Variants in RADX observed in about 807,000 individuals in gnomAD.
RADX encodes RPA-related protein RADX.
Under a neutral mutation model 61.6 loss-of-function variants are expected in RADX, and 36 were observed. The ratio of observed to expected loss-of-function variants is 0.58; its 90% CI spans 0.45 to 0.77. The LOEUF is 0.77. RADX is among the 30% of genes least tolerant of loss of function. The pLI is 0.00. For synonymous variants in RADX, 272 were observed against 237.9 expected (o/e 1.14, Z -1.32); for missense variants, 497 against 651.1 (o/e 0.76, Z 2.58).
Position 106,649,272 on chromosome X carries a change from T to C in RADX, c.1978+886T>C, listed in dbSNP as rs1430771473. ...GCGGACTTATGGAGAAAAAGATTAT[T>C]TTTCCCAGCTAAGCATAATTTGAAT... is the stretch of plus-strand genomic sequence containing the variant. On this transcript the variant is annotated intron_variant, in intron 11 of 13. Transcript: ENST00000372548. Among the ~76,000 whole-genome samples, 3 of 108,430 alleles carry C rather than the reference T, an allele frequency of 2.8e-5. No individual in the cohort carries two copies. In the East Asian group the frequency reaches 8.4e-4, roughly 30 times the overall value. 94.2% of individuals were successfully genotyped at this position (108,430 alleles called of 115,157 possible).
chrX:106,676,782 C>T (rs1422502700), intron 13 of RADX, among the ~76,000 whole-genome samples: 1 of 111,730 alleles, frequency 9.0e-6, no homozygotes, highest in Non-Finnish European at 1.9e-5. Flanking sequence ...TACAATTCTG[C>T]CTTAGCCTTC....
At chrX:106,666,952 A>G (rs1928241826) in intron 12 of RADX, among the ~76,000 whole-genome samples, 1 of 112,173 alleles carries the variant, frequency 8.9e-6, no homozygotes, top group African/African-American at 3.2e-5. Flanking sequence ...TAAAATGCAC[A>G]CATGTGTATT....
At chrX:106,650,962 G>A (rs1471067091) in intron 11 of RADX, among the ~76,000 whole-genome samples, 1 of 111,306 alleles carries the variant, frequency 9.0e-6, no homozygotes, top group African/African-American at 3.3e-5. Flanking sequence ...TAGTGGATAG[G>A]ATGAGAAAGT....
intron 2 of RADX, among the ~76,000 whole-genome samples, chrX:106,624,460 C>T (rs188459535): frequency 1.3e-4 from 15 of 111,609 alleles, no homozygotes; most frequent in African/African-American, 4.6e-4. Context: ...CATTTCTTAC[C>T]TTTATGATGT....
rs1033181298 is a variant in RADX, at chrX:106,662,097, G to A, written c.2061G>A (p.Glu687=). 1 of 1,208,044 alleles carries A rather than the reference G, an allele frequency of 8.3e-7. No homozygotes were observed. The highest frequency in any genetic ancestry group is 3.0e-5 in the East Asian group (1 of 33,727). Residue 687 remains glutamate, a synonymous_variant, in exon 12 of 14, where the codon GAG becomes GAA. Transcript: ENST00000372548. ...SDRWESQLWR[E]KKFGLIDHLH... Reference sequence around the variant, plus strand: ...GGTGGGAGAGTCAGCTGTGGAGAGAGAAAAAGTTTGGCTTAATAGATCACC... The same window carrying A: ...GGTGGGAGAGTCAGCTGTGGAGAGAAAAAAAGTTTGGCTTAATAGATCACC...
At position 106,678,246 on chromosome X, in the gene RADX, G is replaced by T. The variant is rs759931639; in HGVS notation, c.2556G>T (p.Glu852Asp). The T allele has an allele frequency of 8.7e-7, 1 of 1,153,336 alleles. No homozygotes were observed. Among genetic ancestry groups the T allele is most frequent in the Non-Finnish European group, 1.2e-6 (1 of 844,959 alleles). The change falls in exon 14 of 14, where the codon GAG becomes GAT. Residue 852 changes from glutamate (E) to aspartate (D), a missense_variant. Physicochemically the swap from Glu to Asp is conservative, Grantham distance 45. Around this residue, in one of 3 missense-constraint regions of RADX, gnomAD observed 267 missense variants for 306.9 expected, o/e 0.87. Transcript: ENST00000372548. ...EVYLHKIYSP[E>D]NTS ...ATTTGCACAAGATTTATAGTCCAGAGAATACTTCTTAAAAGTTAGCAAATG... is the reference window on the plus strand; with the variant it reads ...ATTTGCACAAGATTTATAGTCCAGATAATACTTCTTAAAAGTTAGCAAATG...
chrX:106,640,289 GACT>G (rs1190842353), intron 9 of RADX, among the ~76,000 whole-genome samples: 6 of 111,156 alleles, frequency 5.4e-5, no homozygotes, highest in Non-Finnish European at 1.1e-4. Flanking sequence ...CTACGTCCAG[GACT>G]ACTACTATTT....
intron 11 of RADX, among the ~76,000 whole-genome samples, chrX:106,661,419 GTCTC>G (rs1324959848): frequency 2.0e-5 from 2 of 101,632 alleles, no homozygotes; most frequent in Admixed American, 2.2e-4. Flanking sequence ...TTAGTGACAG[GTCTC>G]TCTATGTTAA....
chrX:106,676,224 A>G (rs1040735709), intron 13 of RADX, among the ~76,000 whole-genome samples: 22 of 112,478 alleles, frequency 2.0e-4, no homozygotes, highest in Non-Finnish European at 3.2e-4. Flanking sequence ...ACCAGTTGTA[A>G]TCATTATGAT....
At chrX:106,635,095 G>C (rs1292233467) in intron 6 of RADX, among the ~76,000 whole-genome samples, 1 of 111,628 alleles carries the variant, frequency 9.0e-6, no homozygotes, top group Non-Finnish European at 1.9e-5. Flanking sequence ...GGGGAGCATG[G>C]CCAAAAGTCT....
At chrX:106,620,840 T>G (rs1410041605) in intron 1 of RADX, among the ~76,000 whole-genome samples, 2 of 112,259 alleles carry the variant, frequency 1.8e-5, no homozygotes, top group Admixed American at 9.4e-5. Flanking sequence ...TACTATGAAT[T>G]TACACAAATT....
In RADX at chrX:106,637,794, G is replaced by A; in HGVS notation, c.1443G>A (p.Lys481=). 8.3e-7 allele frequency: 1 copy of A among 1,208,314 alleles called. No individual in the cohort carries two copies. Among genetic ancestry groups the A allele is most frequent in the Non-Finnish European group, 1.1e-6 (1 of 893,677 alleles). ...HRGQPYTYDA[K]VKNFIQWIRT... is the part of the protein sequence containing the mutation. ...GCCAGCCGTATACGTATGATGCCAAGGTAAAAAACTTTATTCAATGGATTA... is the reference window on the plus strand; with the variant it reads ...GCCAGCCGTATACGTATGATGCCAAAGTAAAAAACTTTATTCAATGGATTA... Residue 481 remains lysine, a synonymous_variant, in exon 8 of 14, where the codon AAG becomes AAA. Transcript: ENST00000372548.
At chrX:106,664,647 A>G (rs1274199534) in intron 12 of RADX, among the ~76,000 whole-genome samples, 1 of 110,082 alleles carries the variant, frequency 9.1e-6, no homozygotes. Context: ...AACTTAATGG[A>G]GGGATAAAAC....
At chrX:106,626,239 C>G (rs1471140981) in intron 3 of RADX, among the ~76,000 whole-genome samples, 1 of 111,687 alleles carries the variant, frequency 9.0e-6, no homozygotes, top group Non-Finnish European at 1.9e-5. Context: ...TCTGTGTATT[C>G]TAAATTCCCC....
At chrX:106,642,662 A>T (rs1349082514) in intron 10 of RADX, among the ~76,000 whole-genome samples, 1 of 111,895 alleles carries the variant, frequency 8.9e-6, no homozygotes, top group South Asian at 3.7e-4. Context: ...GTTGATGGAC[A>T]TGTAGGTTGC....
intron 1 of RADX, among the ~76,000 whole-genome samples, chrX:106,616,987 A>G (rs1926817862): frequency 2.1e-5 from 2 of 94,302 alleles, no homozygotes; most frequent in Admixed American, 2.3e-4. Context: ...TTGGCTTGCA[A>G]TTGGCATTTC....
Position 106,654,289 on chromosome X carries a change from T to G in RADX, c.1978+5903T>G, listed in dbSNP as rs754055663. Among the ~76,000 whole-genome samples, 5 of 104,735 alleles carry G rather than the reference T, an allele frequency of 4.8e-5. No individual in the cohort carries two copies. In the South Asian group the frequency reaches 1.9e-3, roughly 40 times the overall value. The allele number at this position is 104,735 out of a possible 115,157, so 90.9% of individuals were successfully genotyped here. A position where few individuals can be genotyped will look rare whatever the true frequency, so the allele number is the denominator to read the frequency against. ...TTTGCATTTCTCTAATGACTAGTGA[T>G]GATGATTTTTTTTTCATATGTTTGT... On this transcript the variant is annotated intron_variant, in intron 11 of 13. Transcript: ENST00000372548.
intron 11 of RADX, among the ~76,000 whole-genome samples, chrX:106,661,503 A>C (rs1353928765): frequency 9.1e-6 from 1 of 109,487 alleles, no homozygotes; most frequent in Non-Finnish European, 1.9e-5. Context: ...CTGAGATTAC[A>C]GGCATGAGCC....
At chrX:106,660,561 A>G (rs1928064798) in intron 11 of RADX, among the ~76,000 whole-genome samples, 1 of 112,260 alleles carries the variant, frequency 8.9e-6, no homozygotes, top group South Asian at 3.7e-4. Flanking sequence ...CTAGGATAAG[A>G]ATACCAGGAC....
Sources: allele counts gnomAD v4.1 joint callset (sites outside exome capture counted in the v4.1 genomes callset), GRCh38; gene constraint gnomAD v4.1.1; regional missense constraint gnomAD v4.1.1; transcripts MANE v1.5; gene names NCBI Gene and HGNC (gene_info 2026-07-23, HGNC 2026-07-21).